Variants in RHBDF2 observed in about 807,000 individuals in gnomAD.
RHBDF2 encodes the protein inactive rhomboid protein 2.
A neutral mutation model predicts 95.2 loss-of-function variants in RHBDF2; 38 were observed. The ratio of observed to expected loss-of-function variants is 0.40; its 90% CI spans 0.31 to 0.52. The LOEUF is 0.52. RHBDF2 is among the 20% of genes least tolerant of loss of function. The pLI, the probability that RHBDF2 is intolerant of heterozygous loss-of-function variation, is 0.56. For missense variants in RHBDF2, 863 were observed against 1,137.7 expected (o/e 0.76, Z 3.47); for synonymous variants, 442 against 462.0 (o/e 0.96, Z 0.55).
At chr17:76,476,246 G>A (rs2073769938) in intron 9 of RHBDF2, 1 of 152,282 alleles carries the variant, frequency 6.6e-6, no homozygotes, top group Non-Finnish European at 1.5e-5. Flanking sequence ...TGTTTATTGG[G>A]CTGCTGCAAA....
In RHBDF2 at chr17:76,476,899, A is replaced by T; in HGVS notation, c.1046T>A (p.Leu349Gln). Residue 349 changes from leucine to glutamine, a missense_variant, in exon 9 of 19, where the codon CTG becomes CAG. By Grantham distance (113) the Leu-to-Gln change is moderately radical (BLOSUM62 -2). Transcript: ENST00000675367. Reference sequence around the variant, plus strand: ...GATGCTGCGGCGGTAGCTGCGGTTCAGCCAGTTGCCCACCACGCCGAGGCC... The same window carrying T: ...GATGCTGCGGCGGTAGCTGCGGTTCTGCCAGTTGCCCACCACGCCGAGGCC... ...HYGLGVVGNW[L>Q]NRSYRRSISS... 1 of 1,613,334 alleles carries T rather than the reference A, an allele frequency of 6.2e-7. No homozygotes were observed. Among genetic ancestry groups the T allele is most frequent in the East Asian group, 2.2e-5 (1 of 44,880 alleles).
At chr17:76,486,966 T>C (rs971811711) in intron 2 of RHBDF2, among the ~76,000 whole-genome samples, 1 of 145,940 alleles carries the variant, frequency 6.9e-6, no homozygotes, top group Non-Finnish European at 1.5e-5. Context: ...TTTTTTTTTT[T>C]TTTTTTTTTG....
At chr17:76,478,361 C>G (rs529617892) in intron 6 of RHBDF2, among the ~76,000 whole-genome samples, 2 of 152,224 alleles carry the variant, frequency 1.3e-5, no homozygotes, top group Non-Finnish European at 2.9e-5. Flanking sequence ...GTCTTCTGGG[C>G]TTAACTCAAT....
intron 18 of RHBDF2, 190 bp downstream of exon 18, chr17:76,472,494 CAA>C (rs1439207365): frequency 2.9e-5 from 21 of 721,842 alleles, no homozygotes; most frequent in African/African-American, 5.2e-5. Flanking sequence ...CAGGGTGACT[CAA>C]GAGCATCACT....
chr17:76,480,243 C>T (rs771114332), intron 3 of RHBDF2, among the ~76,000 whole-genome samples: 12 of 151,062 alleles, frequency 7.9e-5, no homozygotes, highest in South Asian at 2.1e-4. Flanking sequence ...CCACCACACC[C>T]GGCTAATTTT....
Position 76,472,020 on chromosome 17 carries a change from G to A in RHBDF2, c.2097C>T (p.Leu699=), listed in dbSNP as rs776761832. ...GGAAGAGCTCCACGAAGAGGCAGGC[G>A]AGGAGGCCGAACTGTGAGCCGGCCG... ...VGPAGSQFGL[L]ACLFVELFQS... is the part of the protein sequence containing the mutation. The change falls in exon 19 of 19, where the codon CTC becomes CTT. Residue 699 remains leucine, a synonymous_variant. Coordinates refer to ENST00000675367, the MANE Select transcript of RHBDF2 (RefSeq NM_001005498.4). 2.7e-5 allele frequency: 42 copies of A among 1,572,402 alleles called. No individual in the cohort carries two copies. The highest frequency in any genetic ancestry group is 4.6e-5 in the East Asian group (2 of 43,134).
In RHBDF2 at chr17:76,479,019, AGGGGGGC is replaced by A; in HGVS notation, c.469-17_469-11del. ...CCAGCGGATCCACAATCTGGAAGGG[AGGGGGGC>A]GGTAAGCAGAGCCATTAGGGTCCCC... On this transcript the variant is annotated splice_polypyrimidine_tract_variant and intron_variant, in intron 5 of 18. Transcript: ENST00000675367. 6.2e-7 allele frequency: 1 copy of A among 1,605,994 alleles called. No individual in the cohort carries two copies. Among genetic ancestry groups the A allele is most frequent in the Non-Finnish European group, 8.5e-7 (1 of 1,175,122 alleles).
At chr17:76,491,127 C>A (rs545187916) in intron 1 of RHBDF2, among the ~76,000 whole-genome samples, 15 of 152,092 alleles carry the variant, frequency 9.9e-5, no homozygotes, top group Non-Finnish European at 4.4e-5. Context: ...CTGCTGGCTC[C>A]GTACCCACAG....
At position 76,476,882 on chromosome 17, in the gene RHBDF2, G is replaced by T; in HGVS notation, c.1063C>A (p.Arg355Ser). 6.2e-7 allele frequency: 1 copy of T among 1,612,414 alleles called. No individual in the cohort carries two copies. The highest frequency in any genetic ancestry group is 8.5e-7 in the Non-Finnish European group (1 of 1,179,608). ...VGNWLNRSYR[R>S]SISSTVQRQL... ...CGCTGCACAGTGCTGCTGATGCTGC[G>T]GCGGTAGCTGCGGTTCAGCCAGTTG... The change falls in exon 9 of 19, where the codon CGC (arginine) becomes AGC (serine). Residue 355 changes from arginine (R) to serine (S), a missense_variant. Coordinates refer to ENST00000675367, the MANE Select transcript of RHBDF2 (RefSeq NM_001005498.4).
intron 18 of RHBDF2, 165 bp downstream of exon 18, chr17:76,472,521 G>A: frequency 1.2e-6 from 1 of 837,856 alleles, no homozygotes; most frequent in South Asian, 1.4e-5. Context: ...CCTCTCACTG[G>A]GATTAAGAGA....
At chr17:76,477,835 G>C (rs2073823637) in intron 6 of RHBDF2, 50 bp from the exon 7 acceptor site, 1 of 1,592,928 alleles carries the variant, frequency 6.3e-7, no homozygotes. Flanking sequence ...TGGCCACCTA[G>C]GCCCCCAGCC....
intron 2 of RHBDF2, 132 bp from the exon 3 acceptor site, chr17:76,481,677 G>C: frequency 1.3e-6 from 1 of 788,478 alleles, no homozygotes; most frequent in Admixed American, 2.9e-5. Context: ...CTGGGCGGCT[G>C]GGCGCGGTGG....
rs769363909 is a variant in RHBDF2 at position 76,476,925 on chromosome 17, G to A, written c.1020C>T (p.Tyr340=). 2.2e-5 allele frequency: 36 copies of A among 1,613,724 alleles called. No homozygotes were observed. Among genetic ancestry groups the A allele is most frequent in the African/African-American group, 1.2e-4 (9 of 74,950 alleles). Residue 340 remains tyrosine, a synonymous_variant, in exon 9 of 19, where the codon TAC becomes TAT. Coordinates refer to ENST00000675367, the MANE Select transcript of RHBDF2 (RefSeq NM_001005498.4). The part of the protein sequence containing the change: ...HFAFDRKKRH[Y]GLGVVGNWLN... ...GCCAGTTGCCCACCACGCCGAGGCC[G>A]TAGTGCCGCTTCTTCCGATCAAAGG... is the stretch of plus-strand genomic sequence containing the variant.
Position 76,473,606 on chromosome 17 carries a change from G to C in RHBDF2, c.1733+42C>G, listed in dbSNP as rs772937305. ...GGGCCCACAGGAAGCCGCAGCTCGG[G>C]GGGGCAGTGGGATGGCTGAGGCCAG... is the stretch of plus-strand genomic sequence containing the variant. On this transcript the variant is annotated intron_variant, in intron 15 of 18. Transcript: ENST00000675367. 36 of 1,518,678 alleles carry C rather than the reference G, an allele frequency of 2.4e-5. No homozygotes were observed. In the East Asian group the frequency reaches 4.3e-4, roughly 18 times the overall value. 94.1% of individuals were successfully genotyped at this position (1,518,678 alleles called of 1,614,324 possible).
At chr17:76,499,428 ACAACTCTGAGT>A (rs1179110925) in intron 1 of RHBDF2, among the ~76,000 whole-genome samples, 1 of 152,078 alleles carries the variant, frequency 6.6e-6, no homozygotes, top group Non-Finnish European at 1.5e-5. Flanking sequence ...CCCAATACAA[ACAACTCTGAGT>A]CATCCCTACT....
Position 76,471,497 on chromosome 17 carries a change from G to T in RHBDF2, c.*136C>A. 1 of 1,002,404 alleles carries T rather than the reference G, an allele frequency of 1.0e-6. No homozygotes were observed. Among genetic ancestry groups the T allele is most frequent in the Non-Finnish European group, 1.4e-6 (1 of 697,884 alleles). The allele number at this position is 1,002,404 out of a possible 1,614,324, so 62.1% of individuals were successfully genotyped here. A position where few individuals can be genotyped will look rare whatever the true frequency, so the allele number is the denominator to read the frequency against. Reference sequence around the variant, plus strand: ...GCGGAGTCAGCCTCGCCTGGCAGGGGGGCACCCAGGTCCAGAGCCCGGGCC... The same window carrying T: ...GCGGAGTCAGCCTCGCCTGGCAGGGTGGCACCCAGGTCCAGAGCCCGGGCC... On this transcript the variant is annotated 3_prime_UTR_variant, in exon 19 of 19. Coordinates refer to ENST00000675367, the MANE Select transcript of RHBDF2 (RefSeq NM_001005498.4).
chr17:76,481,057 G>A (rs543820854), intron 3 of RHBDF2, among the ~76,000 whole-genome samples: 1 of 152,318 alleles, frequency 6.6e-6, no homozygotes, highest in Admixed American at 6.5e-5. Context: ...CCAGCCCTCA[G>A]AAGAGAGACT....
intron 1 of RHBDF2, among the ~76,000 whole-genome samples, chr17:76,490,132 C>A (rs1399622296): frequency 6.6e-6 from 1 of 152,214 alleles, no homozygotes; most frequent in Non-Finnish European, 1.5e-5. Flanking sequence ...GTTCCTTGAC[C>A]CCCTGCATAT....
At position 76,472,850 on chromosome 17, in the gene RHBDF2, G is replaced by A. The variant is rs1025312858; in HGVS notation, c.1911-11C>T. ...AGGCAGTGCACCACGCTGGGGGAGG[G>A]ACACACCAGGCAGCGGCCTTCAGCC... On this transcript the variant is annotated splice_polypyrimidine_tract_variant and intron_variant, in intron 17 of 18. Coordinates refer to ENST00000675367, the MANE Select transcript of RHBDF2 (RefSeq NM_001005498.4). 1.4e-5 allele frequency: 22 copies of A among 1,582,624 alleles called. No individual in the cohort carries two copies. Among genetic ancestry groups the A allele is most frequent in the Non-Finnish European group, 1.8e-5 (21 of 1,163,416 alleles).
Sources: allele counts gnomAD v4.1 joint callset (sites outside exome capture counted in the v4.1 genomes callset), GRCh38; gene constraint gnomAD v4.1.1; transcripts MANE v1.5; gene names NCBI Gene and HGNC (gene_info 2026-07-23, HGNC 2026-07-21).